STIL: variants seen among roughly 807,000 people sequenced by gnomAD.
STIL encodes the protein SCL-interrupting locus protein.
STIL carries 55 observed loss-of-function variants against 110.1 expected under a neutral mutation model. That is an observed-to-expected ratio of 0.50 (90% CI 0.40 to 0.63). STIL has a LOEUF of 0.63. Ranked by LOEUF, STIL falls within the 20% of genes least tolerant of loss-of-function variation. The pLI, the probability that STIL is intolerant of heterozygous loss-of-function variation, is 0.00. For synonymous variants in STIL, 481 were observed against 530.0 expected (o/e 0.91, Z 1.27); for missense variants, 1,358 against 1,530.0 (o/e 0.89, Z 1.87).
At chr1:47,302,611 A>G (rs143716968) in intron 3 of STIL, among the ~76,000 whole-genome samples, 271 of 152,262 alleles carry the variant, frequency 1.8e-3, no homozygotes, top group African/African-American at 6.1e-3. Context: ...TGTTTTTGTA[A>G]GTAAATTTTG....
intron 8 of STIL, among the ~76,000 whole-genome samples, chr1:47,292,521 T>TTA (rs1645524633): frequency 6.6e-6 from 1 of 152,218 alleles, no homozygotes; most frequent in Non-Finnish European, 1.5e-5. Context: ...ACAGTATGTA[T>TTA]TATAAACTCT....
In STIL at chr1:47,270,645, T is replaced by TA. The variant is rs200590446; in HGVS notation, c.2384-780dup. Among the ~76,000 whole-genome samples, 805 of 146,396 alleles carry TA rather than the reference T, an allele frequency of 5.5e-3. 8 individuals carry two copies. The highest frequency in any genetic ancestry group is 0.018 in the African/African-American group (745 of 40,610). ...AATATCTGTAATATCAGGCAGGTAT[T>TA]AAAAAAAATCAAGTGTTTCCCAATC... is the stretch of plus-strand genomic sequence containing the variant. On this transcript the variant is annotated intron_variant, in intron 13 of 16. Coordinates refer to ENST00000371877, the MANE Select transcript of STIL (RefSeq NM_001048166.1).
Position 47,251,058 on chromosome 1 carries a change from T to G in STIL, c.*78A>C. The G allele has an allele frequency of 7.3e-7, 1 of 1,370,174 alleles. No homozygotes were observed. Among genetic ancestry groups the G allele is most frequent in the Non-Finnish European group, 1.0e-6 (1 of 992,704 alleles). 84.9% of individuals were successfully genotyped at this position (1,370,174 alleles called of 1,614,324 possible). On this transcript the variant is annotated 3_prime_UTR_variant, in exon 17 of 17. Coordinates refer to ENST00000371877, the MANE Select transcript of STIL (RefSeq NM_001048166.1). ...GTGACTCCAGAATGATCAGGAGCCT[T>G]GTGGTAGGCTCCTGTTTTCCCTAAG...
chr1:47,282,541 A>T, intron 10 of STIL, 82 bp from the exon 11 acceptor site: 1 of 827,344 alleles, frequency 1.2e-6, no homozygotes, highest in Middle Eastern at 2.2e-4. Flanking sequence ...AAGTCCTTTA[A>T]TAAGTTGCAG....
intron 14 of STIL, among the ~76,000 whole-genome samples, chr1:47,263,744 GTTTTTTTTTTTT>G (rs60915271): frequency 3.1e-5 from 3 of 98,310 alleles, no homozygotes; most frequent in African/African-American, 8.5e-5. Flanking sequence ...TTCATTCCAA[GTTTTTTTTTTTT>G]TTTTTTTTTT....
Position 47,301,740 on chromosome 1 carries a change from C to G in STIL, c.274G>C (p.Gly92Arg). 1 of 1,613,786 alleles carries G rather than the reference C, an allele frequency of 6.2e-7. No individual in the cohort carries two copies. The highest frequency in any genetic ancestry group is 8.5e-7 in the Non-Finnish European group (1 of 1,179,930). ...AAGCGATCTACTGTCAATGTTACAC[C>G]TTCTTCATCTGTAGAACAAAAATAA... is the stretch of plus-strand genomic sequence containing the variant. Reference protein sequence around the residue: ...GSLTADEDEEGVTLTVDRFDP... With the variant: ...GSLTADEDEERVTLTVDRFDP... Residue 92 changes from glycine to arginine, a missense_variant, in exon 5 of 17, where the codon GGT (glycine) becomes CGT (arginine). Coordinates refer to ENST00000371877, the MANE Select transcript of STIL (RefSeq NM_001048166.1).
At chr1:47,268,337 T>C (rs748179052) in intron 14 of STIL, among the ~76,000 whole-genome samples, 23 of 152,058 alleles carry the variant, frequency 1.5e-4, no homozygotes, top group Non-Finnish European at 3.4e-4. Context: ...TCCCAGCTGC[T>C]TGGGAGGCTG....
chr1:47,313,627 T>C (rs188406625), intron 1 of STIL, among the ~76,000 whole-genome samples: 1 of 152,304 alleles, frequency 6.6e-6, no homozygotes, highest in Admixed American at 6.5e-5. Flanking sequence ...ATACTGTCTG[T>C]ACTCACACGC....
intron 4 of STIL, 76 bp from the exon 5 acceptor site, chr1:47,301,824 T>G: frequency 7.2e-7 from 1 of 1,384,838 alleles, no homozygotes; most frequent in Middle Eastern, 1.8e-4. Flanking sequence ...GACTACATTA[T>G]AGCAAAGCAC....
chr1:47,271,541 G>A lies in STIL; in HGVS notation c.2383+535C>T, dbSNP rs1353761995. Among the ~76,000 whole-genome samples, 14 of 145,778 alleles carry A rather than the reference G, an allele frequency of 9.6e-5. No homozygotes were observed. The East Asian group carries it at 2.4e-3, about 25-fold the overall frequency. ...GCCATTGCACTCCAGCCTGTGTGAC[G>A]GAGTGAGACTCCGTCTCAAAAAAAA... On this transcript the variant is annotated intron_variant, in intron 13 of 16. Coordinates refer to ENST00000371877, the MANE Select transcript of STIL (RefSeq NM_001048166.1).
chr1:47,297,088 A>AAT (rs1645661636), intron 6 of STIL, among the ~76,000 whole-genome samples: 1 of 152,226 alleles, frequency 6.6e-6, no homozygotes, highest in South Asian at 2.1e-4. Context: ...TCATGCCTGT[A>AAT]ATTCCAACAC....
intron 16 of STIL, 139 bp from the exon 17 acceptor site, chr1:47,252,061 T>A: frequency 1.1e-6 from 1 of 871,008 alleles, no homozygotes; most frequent in Non-Finnish European, 1.7e-6. Context: ...CTCAGACATC[T>A]AAGTCTTGAT....
intron 3 of STIL, 124 bp downstream of exon 3, chr1:47,304,765 G>A: frequency 2.6e-6 from 2 of 777,040 alleles, no homozygotes; most frequent in Non-Finnish European, 4.3e-6. Flanking sequence ...TTGCCTGAGG[G>A]GAGATTCTAA....
intron 3 of STIL, 53 bp downstream of exon 3, chr1:47,304,836 T>C (rs888438414): frequency 2.3e-6 from 3 of 1,315,344 alleles, no homozygotes; most frequent in Admixed American, 1.7e-5. Flanking sequence ...TATACATCTT[T>C]GTATTACTCT....
intron 8 of STIL, among the ~76,000 whole-genome samples, chr1:47,293,215 A>G (rs1645545368): frequency 6.6e-6 from 1 of 152,116 alleles, no homozygotes; most frequent in South Asian, 2.1e-4. Flanking sequence ...TTCCACCCCC[A>G]AAAGGTTTGT....
intron 14 of STIL, among the ~76,000 whole-genome samples, chr1:47,269,393 G>A (rs1450014783): frequency 6.6e-6 from 1 of 152,064 alleles, no homozygotes; most frequent in Non-Finnish European, 1.5e-5. Context: ...GAACAGAACA[G>A]CAACTGTAAT....
intron 10 of STIL, among the ~76,000 whole-genome samples, chr1:47,286,070 T>C (rs921843187): frequency 1.3e-5 from 2 of 151,754 alleles, no homozygotes; most frequent in African/African-American, 4.8e-5. Flanking sequence ...AGACGGGGTT[T>C]CACCATGTTG....
intron 5 of STIL, among the ~76,000 whole-genome samples, 162 bp downstream of exon 5, chr1:47,301,399 A>T (rs1447890368): frequency 2.6e-5 from 4 of 152,166 alleles, no homozygotes; most frequent in East Asian, 1.9e-4. Context: ...GCTTACCTAG[A>T]GTTTTTGCCC....
rs763308359 is a variant in STIL at position 47,262,937 on chromosome 1, G to A, written c.2795C>T (p.Pro932Leu). 2 of 1,613,998 alleles carry A rather than the reference G, an allele frequency of 1.2e-6. No individual in the cohort carries two copies. Among genetic ancestry groups the A allele is most frequent in the Non-Finnish European group, 1.7e-6 (2 of 1,180,036 alleles). The stretch of plus-strand genomic sequence containing the variant: ...CTGGTAAATTTTCTGGTTATCTGAT[G>A]GTTGATGAAGCAAGGGTTGCATTAC... ...EHVMQPLLHQPSDNQKIYQDL... is the reference protein window; with the variant it reads ...EHVMQPLLHQLSDNQKIYQDL... The change falls in exon 15 of 17, where the codon CCA (proline) becomes CTA (leucine). Residue 932 changes from proline (P) to leucine (L), a missense_variant. Physicochemically the swap from Pro to Leu is moderately conservative, Grantham distance 98. Transcript: ENST00000371877.
Sources: allele counts gnomAD v4.1 joint callset (sites outside exome capture counted in the v4.1 genomes callset), GRCh38; gene constraint gnomAD v4.1.1; transcripts MANE v1.5; gene names NCBI Gene and HGNC (gene_info 2026-07-23, HGNC 2026-07-21).